The following EML6 variants were observed in gnomAD, a reference collection of about 807,000 sequenced individuals.
EML6 encodes EMAP like 6.
EML6 carries 154 observed loss-of-function variants against 240.1 expected under a neutral mutation model. The observed-to-expected ratio is 0.64, with a 90% CI of 0.56 to 0.73. The LOEUF is 0.73. Among genes scored for constraint, EML6 ranks in the 30% least tolerant of loss-of-function variants. EML6 has a pLI of 0.00. For synonymous variants in EML6, 1,148 were observed against 899.0 expected (o/e 1.28, Z -4.95); for missense variants, 2,964 against 2,474.6 (o/e 1.20, Z -4.20).
At chr2:54,954,483 A>G (rs915222388) in intron 32 of EML6, among the ~76,000 whole-genome samples, 12 of 152,106 alleles carry the variant, frequency 7.9e-5, no homozygotes, top group Admixed American at 6.5e-5. Context: ...CTTCCTACCC[A>G]AGGGTCCTTG....
chr2:54,791,647 C>T (rs149539091), intron 2 of EML6, among the ~76,000 whole-genome samples: 8 of 152,182 alleles, frequency 5.3e-5, no homozygotes, highest in Non-Finnish European at 1.0e-4. Context: ...GTTCTTCTCT[C>T]CATGGCTCTG....
chr2:54,843,022 A>T (rs1669545410), intron 7 of EML6, among the ~76,000 whole-genome samples: 1 of 152,216 alleles, frequency 6.6e-6, no homozygotes, highest in South Asian at 2.1e-4. Flanking sequence ...AATATGTATT[A>T]AACTTGTTTA....
At chr2:54,861,015 C>T (rs1041561264) in intron 12 of EML6, among the ~76,000 whole-genome samples, 2 of 152,168 alleles carry the variant, frequency 1.3e-5, no homozygotes, top group Admixed American at 6.5e-5. Flanking sequence ...TGGAGCAGTG[C>T]AGAAAAAGGT....
At chr2:54,964,253 G>A in intron 37 of EML6, 95 bp downstream of exon 37, 2 of 1,270,668 alleles carry the variant, frequency 1.6e-6, no homozygotes, top group Admixed American at 2.6e-5. Flanking sequence ...AAAGAACTCA[G>A]TTGTGAGAGG....
rs748865130 is a variant in EML6 at position 54,793,810 on chromosome 2, G to A, written c.198-19422G>A. On this transcript the variant is annotated intron_variant, in intron 2 of 41. Coordinates refer to ENST00000356458, the MANE Select transcript of EML6 (RefSeq NM_001039753.4). ...GAACTTCCCCAACTCCCACCTCCTG[G>A]TGCCTGGAATGCAGCTGTGATGGCT... Among the ~76,000 whole-genome samples, 48 of 152,096 alleles carry A rather than the reference G, an allele frequency of 3.2e-4. 2 individuals carry two copies. Among genetic ancestry groups the A allele is most frequent in the Non-Finnish European group, 6.5e-4 (44 of 68,018 alleles).
At position 54,961,184 on chromosome 2, in the gene EML6, G is replaced by GTTTTTTTTTTTTTTTTTTTTTTTTT. The variant is rs575621987; in HGVS notation, c.4968+869_4968+870insTTTTTTTTTTTTTTTTTTTTTTTTT. 1.3e-3 allele frequency among the ~76,000 whole-genome samples: 70 copies of GTTTTTTTTTTTTTTTTTTTTTTTTT among 55,386 alleles called. 1 individual carries two copies. The highest frequency in any genetic ancestry group is 1.6e-3 in the Admixed American group (6 of 3,714). The allele number at this position is 55,386 out of a possible 152,430, so 36.3% of individuals were successfully genotyped here. A position where few individuals can be genotyped will look rare whatever the true frequency, so the allele number is the denominator to read the frequency against. ...GGAGCCTGGAAGTTATCAGGAAGTA[G>GTTTTTTTTTTTTTTTTTTTTTTTTT]TTTTTTTTTTTTTTTTTTTGAGACG... is the stretch of plus-strand genomic sequence containing the variant. On this transcript the variant is annotated intron_variant, in intron 35 of 41. Transcript: ENST00000356458.
chr2:54,852,684 G>T (rs374379055), intron 10 of EML6, among the ~76,000 whole-genome samples: 1 of 152,154 alleles, frequency 6.6e-6, no homozygotes. Flanking sequence ...GAAGTTTTAC[G>T]TAATGCTGTT....
At chr2:54,842,373 C>A (rs934574400) in intron 7 of EML6, among the ~76,000 whole-genome samples, 1 of 152,164 alleles carries the variant, frequency 6.6e-6, no homozygotes, top group Non-Finnish European at 1.5e-5. Context: ...TCAAATACTT[C>A]AAAGTATTAT....
At chr2:54,831,357 A>G (rs1028486987) in intron 7 of EML6, among the ~76,000 whole-genome samples, 5 of 152,190 alleles carry the variant, frequency 3.3e-5, no homozygotes, top group African/African-American at 9.7e-5. Flanking sequence ...TTACGCTGCT[A>G]TACTTTTCTG....
At chr2:54,800,513 C>T (rs879161033) in intron 2 of EML6, among the ~76,000 whole-genome samples, 3 of 152,004 alleles carry the variant, frequency 2.0e-5, no homozygotes, top group Admixed American at 2.0e-4. Context: ...TTCAGAGACC[C>T]CTCCCACACA....
At chr2:54,858,173 G>A (rs982348239) in intron 11 of EML6, among the ~76,000 whole-genome samples, 3 of 152,174 alleles carry the variant, frequency 2.0e-5, no homozygotes, top group Non-Finnish European at 4.4e-5. Context: ...CTCTTGGCAG[G>A]AGGCCTCAGT....
At chr2:54,874,898 A>C (rs1395217400) in intron 16 of EML6, among the ~76,000 whole-genome samples, 1 of 152,228 alleles carries the variant, frequency 6.6e-6, no homozygotes, top group African/African-American at 2.4e-5. Flanking sequence ...AAAAGTGAAC[A>C]GTGGCCGATC....
chr2:54,806,458 T>C (rs567964582), intron 2 of EML6, among the ~76,000 whole-genome samples: 6 of 151,424 alleles, frequency 4.0e-5, no homozygotes, highest in Non-Finnish European at 5.9e-5. Flanking sequence ...ACTAAAAATA[T>C]AGAAAATAGC....
chr2:54,779,365 C>CCTG (rs1477746624), intron 2 of EML6, among the ~76,000 whole-genome samples: 1 of 150,606 alleles, frequency 6.6e-6, no homozygotes, highest in African/African-American at 2.5e-5. Context: ...ATGGTGAAAC[C>CCTG]CTGTCTCTAC....
intron 25 of EML6, among the ~76,000 whole-genome samples, chr2:54,911,575 A>G (rs1673640776): frequency 6.6e-6 from 1 of 151,968 alleles, no homozygotes; most frequent in South Asian, 2.1e-4. Context: ...GATCATAGGC[A>G]TCTGCCACCA....
chr2:54,927,675 G>A (rs897083786), intron 26 of EML6, among the ~76,000 whole-genome samples: 9 of 152,196 alleles, frequency 5.9e-5, no homozygotes, highest in Non-Finnish European at 1.2e-4. Flanking sequence ...AAGGTGGGGT[G>A]GCCTGGGCAC....
intron 2 of EML6, among the ~76,000 whole-genome samples, chr2:54,789,693 T>C (rs1413826494): frequency 2.0e-5 from 3 of 152,116 alleles, no homozygotes; most frequent in African/African-American, 7.2e-5. Context: ...TCTACCTTAT[T>C]TAATTATATC....
chr2:54,891,182 G>A, intron 18 of EML6, 28 bp downstream of exon 18: 1 of 1,101,886 alleles, frequency 9.1e-7, no homozygotes, highest in Non-Finnish European at 1.3e-6. Context: ...TATCATTTAT[G>A]TGATTGAGAG....
intron 11 of EML6, among the ~76,000 whole-genome samples, chr2:54,855,786 C>G (rs764195633): frequency 4.6e-5 from 7 of 152,104 alleles, no homozygotes; most frequent in South Asian, 4.1e-4. Context: ...GACATTCAGG[C>G]TTTTGTGTCC....
Sources: gnomAD v4.1 joint callset for allele counts (sites outside exome capture counted in the v4.1 genomes callset) on GRCh38, gnomAD v4.1.1 for gene constraint, MANE v1.5 for transcripts, NCBI Gene and HGNC (gene_info 2026-07-23, HGNC 2026-07-21) for gene names.